The following SHANK2 variants were observed in gnomAD, a reference collection of about 807,000 sequenced individuals.
SHANK2 encodes the protein SH3 and multiple ankyrin repeat domains protein 2.
SHANK2 carries 43 observed loss-of-function variants against 133.7 expected under a neutral mutation model. That is an observed-to-expected ratio of 0.32 (90% CI 0.25 to 0.41). The LOEUF is 0.41. SHANK2 is among the 10% of genes least tolerant of loss of function. The pLI is 1.00. For synonymous variants in SHANK2, 1,017 were observed against 952.8 expected (o/e 1.07, Z -1.24); for missense variants, 1,994 against 2,235.8 (o/e 0.89, Z 2.18).
rs141167646 is a variant in SHANK2, at chr11:71,214,466, C to T, written c.-13+10231G>A. ...CAGCTGGGACTTCTTTCTTCTGTAG[C>T]CAAAAGACATCGTGATTTAGCGCCA... On this transcript the variant is annotated intron_variant, in intron 2 of 25. Transcript: ENST00000601538. Among the ~76,000 whole-genome samples, 60 of 152,326 alleles carry T rather than the reference C, an allele frequency of 3.9e-4. No individual in the cohort carries two copies. In the East Asian group the frequency reaches 0.011, roughly 29 times the overall value.
At chr11:70,698,157 G>A (rs1327859843) in intron 15 of SHANK2, 1 of 162,646 alleles carries the variant, frequency 6.1e-6, no homozygotes, top group South Asian at 1.7e-4. Flanking sequence ...CATTGTCAAA[G>A]ATGCAGGGCT....
At chr11:70,597,820 C>G (rs2060421647) in intron 17 of SHANK2, among the ~76,000 whole-genome samples, 1 of 152,216 alleles carries the variant, frequency 6.6e-6, no homozygotes, top group Non-Finnish European at 1.5e-5. Flanking sequence ...TTGCGGTGAG[C>G]TGAGATCGCA....
At chr11:70,501,994 A>G in intron 19 of SHANK2, 63 bp from the exon 20 acceptor site, 1 of 1,529,450 alleles carries the variant, frequency 6.5e-7, no homozygotes, top group South Asian at 1.2e-5. Flanking sequence ...GAGGAAAGGC[A>G]GGACTAGCAA....
chr11:71,147,265 A>T lies in SHANK2; in HGVS notation c.62T>A (p.Val21Glu). ...EMAQSFSDYS[V>E]GSESDSSKEE... is the part of the protein sequence containing the mutation. ...TTTGGAGCTGTCTGACTCCGACCCC[A>T]CGGAGTAGTCGGAGAAGCTCTGGGC... Residue 21 changes from valine to glutamate, a missense_variant, in exon 3 of 26, where the codon GTG (valine) becomes GAG (glutamate). Transcript: ENST00000601538. 6.4e-7 allele frequency: 1 copy of T among 1,550,936 alleles called. No homozygotes were observed.
At position 70,649,269 on chromosome 11, in the gene SHANK2, A is replaced by G. The variant is rs143877391; in HGVS notation, c.2061+10559T>C. 3.2e-3 allele frequency among the ~76,000 whole-genome samples: 489 copies of G among 152,264 alleles called. 4 individuals are homozygous for G. Among genetic ancestry groups the G allele is most frequent in the African/African-American group, 0.011 (473 of 41,538 alleles). On this transcript the variant is annotated intron_variant, in intron 17 of 25. Transcript: ENST00000601538. Reference sequence around the variant, plus strand: ...ACTGAACACAAAGGAGATGCATGGGAAAGTCTGCTCCATGGGACCCATCTG... The same window carrying G: ...ACTGAACACAAAGGAGATGCATGGGGAAGTCTGCTCCATGGGACCCATCTG...
At chr11:71,066,089 G>C (rs1951054643) in intron 9 of SHANK2, among the ~76,000 whole-genome samples, 1 of 51,710 alleles carries the variant, frequency 1.9e-5, no homozygotes, top group Non-Finnish European at 4.6e-5. Flanking sequence ...GGGGAAGTTG[G>C]TGGGGGGGGT....
intron 11 of SHANK2, among the ~76,000 whole-genome samples, chr11:70,840,651 G>A (rs1948889014): frequency 1.3e-5 from 2 of 152,334 alleles, no homozygotes; most frequent in African/African-American, 4.8e-5. Context: ...GTAGCTCAGT[G>A]GCCAAGGAGA....
intron 17 of SHANK2, among the ~76,000 whole-genome samples, chr11:70,649,936 A>G (rs893023715): frequency 2.0e-5 from 3 of 152,198 alleles, no homozygotes; most frequent in Admixed American, 6.5e-5. Flanking sequence ...AGGCTTCTTA[A>G]TCTCTCTGAA....
chr11:70,893,155 C>G (rs1555075041), intron 11 of SHANK2, among the ~76,000 whole-genome samples: 1 of 152,248 alleles, frequency 6.6e-6, no homozygotes, highest in African/African-American at 2.4e-5. Context: ...ACGTGAAGTG[C>G]TGGCCTGTAG....
intron 14 of SHANK2, 143 bp from the exon 15 acceptor site, chr11:70,698,906 A>C (rs879986856): frequency 2.9e-6 from 2 of 694,446 alleles, no homozygotes; most frequent in South Asian, 3.0e-5. Context: ...CTGGAGGAAA[A>C]TGAGGCCTGG....
chr11:70,676,802 A>G (rs782449631), intron 15 of SHANK2, among the ~76,000 whole-genome samples: 1 of 152,136 alleles, frequency 6.6e-6, no homozygotes, highest in Non-Finnish European at 1.5e-5. Context: ...GACTCTAGTC[A>G]TTGGCAAGGA....
intron 2 of SHANK2, among the ~76,000 whole-genome samples, chr11:71,171,229 A>G (rs1312107610): frequency 6.6e-6 from 1 of 152,228 alleles, no homozygotes; most frequent in Non-Finnish European, 1.5e-5. Flanking sequence ...GGGCTGACAG[A>G]GTCCCCGCGA....
intron 2 of SHANK2, among the ~76,000 whole-genome samples, chr11:71,189,666 C>T (rs1223152596): frequency 2.0e-5 from 3 of 152,242 alleles, no homozygotes; most frequent in Non-Finnish European, 4.4e-5. Context: ...TCCCAAAGTG[C>T]TGGGCGTGAG....
chr11:71,220,416 A>G (rs1279184176), intron 2 of SHANK2, among the ~76,000 whole-genome samples: 1 of 152,082 alleles, frequency 6.6e-6, no homozygotes, highest in African/African-American at 2.4e-5. Context: ...CTGCCATTCC[A>G]TTTCTGGGGG....
At chr11:70,593,009 G>A (rs782505459) in intron 17 of SHANK2, among the ~76,000 whole-genome samples, 10 of 152,186 alleles carry the variant, frequency 6.6e-5, no homozygotes, top group African/African-American at 1.7e-4. Context: ...TGCAGCTATC[G>A]GAGGGGTGGG....
chr11:70,608,394 G>A (rs1288256944), intron 17 of SHANK2, among the ~76,000 whole-genome samples: 4 of 152,184 alleles, frequency 2.6e-5, no homozygotes, highest in African/African-American at 9.7e-5. Flanking sequence ...GCCACCTGGC[G>A]ATGGGAACTT....
At chr11:70,591,982 A>G (rs2060328659) in intron 17 of SHANK2, among the ~76,000 whole-genome samples, 1 of 152,088 alleles carries the variant, frequency 6.6e-6, no homozygotes, top group African/African-American at 2.4e-5. Flanking sequence ...GGCACCATCC[A>G]AGATCGCGCC....
chr11:71,137,933 C>G (rs1207890294), intron 3 of SHANK2, among the ~76,000 whole-genome samples: 1 of 151,728 alleles, frequency 6.6e-6, no homozygotes, highest in African/African-American at 2.4e-5. Flanking sequence ...AACGAACCAC[C>G]CCTGCACCAG....
At chr11:70,729,726 G>A (rs1187098420) in intron 14 of SHANK2, among the ~76,000 whole-genome samples, 5 of 150,982 alleles carry the variant, frequency 3.3e-5, no homozygotes, top group Admixed American at 6.6e-5. Flanking sequence ...GTAGAGACGG[G>A]GTTTCACCAT....
Sources: gnomAD v4.1 joint callset for allele counts (sites outside exome capture counted in the v4.1 genomes callset) on GRCh38, gnomAD v4.1.1 for gene constraint, MANE v1.5 for transcripts, NCBI Gene and HGNC (gene_info 2026-07-23, HGNC 2026-07-21) for gene names.